ST3GAL2: variants seen among roughly 807,000 people sequenced by gnomAD.
ST3GAL2 encodes CMP-N-acetylneuraminate-beta-galactosamide-alpha-2,3-sialyltransferase 2.
Under a neutral mutation model 37.5 loss-of-function variants are expected in ST3GAL2, and 16 were observed. The observed-to-expected ratio is 0.43, with a 90% CI of 0.29 to 0.65. The LOEUF (loss-of-function observed/expected upper bound fraction) is 0.65. ST3GAL2 is among the 30% of genes least tolerant of loss of function. The pLI is 0.17. For synonymous variants in ST3GAL2, 238 were observed against 202.9 expected, an observed-to-expected ratio of 1.17 and a Z score of -1.47; for missense variants, 383 against 487.8, an observed-to-expected ratio of 0.79 and a Z score of 2.02.
rs1162195232 is a variant in ST3GAL2 at position 70,379,824 on chromosome 16, G to T, written c.*1865C>A. 3 of 151,166 alleles carry T rather than the reference G, an allele frequency of 2.0e-5. No individual in the cohort carries two copies. Among genetic ancestry groups the T allele is most frequent in the Admixed American group, 2.0e-4 (3 of 15,174 alleles). 9.4% of individuals were successfully genotyped at this position (151,166 alleles called of 1,614,324 possible). A position where few individuals can be genotyped will look rare whatever the true frequency, so the allele number is the denominator to read the frequency against. The stretch of plus-strand genomic sequence containing the variant: ...TTTTTTTTTTTTTGGTAGAGACGAG[G>T]TTTCACCATATTGGCCAGGCTGGTC... On this transcript the variant is annotated 3_prime_UTR_variant, in exon 7 of 7. Coordinates refer to ENST00000342907, the MANE Select transcript of ST3GAL2 (RefSeq NM_006927.4).
At chr16:70,402,259 G>T (rs1011398076) in intron 1 of ST3GAL2, among the ~76,000 whole-genome samples, 1 of 142,598 alleles carries the variant, frequency 7.0e-6, no homozygotes, top group Non-Finnish European at 1.5e-5. Flanking sequence ...CTCTAGCCTG[G>T]GCAACAAGAG....
chr16:70,421,136 G>A (rs1422883316), intron 1 of ST3GAL2, among the ~76,000 whole-genome samples: 8 of 152,222 alleles, frequency 5.3e-5, no homozygotes, highest in Non-Finnish European at 1.2e-4. Context: ...GACAGTGCCT[G>A]AGAGCCCAGC....
chr16:70,430,833 G>C (rs1379507543), intron 1 of ST3GAL2, among the ~76,000 whole-genome samples: 1 of 152,106 alleles, frequency 6.6e-6, no homozygotes, highest in Admixed American at 6.6e-5. Flanking sequence ...TTCCCACACA[G>C]CCTCATTCCC....
intron 1 of ST3GAL2, among the ~76,000 whole-genome samples, chr16:70,420,135 C>T (rs962972505): frequency 4.0e-5 from 6 of 149,836 alleles, no homozygotes; most frequent in Non-Finnish European, 7.4e-5. Flanking sequence ...AAACTTCCAT[C>T]AACTAGGCCA....
Position 70,395,077 on chromosome 16 carries a change from G to C in ST3GAL2, c.438C>G (p.Pro146=), listed in dbSNP as rs2047506347. ...CCACGGCACAGCGCCGGCACTGGTG[G>C]GGGTCCCGGAAGCGGTAGGGGTTCT... ...PGENPYRFRD[P]HQCRRCAVVG... Residue 146 remains proline (P), a synonymous_variant, in exon 3 of 7, where the codon CCC becomes CCG. Transcript: ENST00000342907. The C allele has an allele frequency of 6.2e-7, 1 of 1,613,872 alleles. No individual in the cohort carries two copies. The highest frequency in any genetic ancestry group is 2.2e-5 in the East Asian group (1 of 44,872).
intron 1 of ST3GAL2, among the ~76,000 whole-genome samples, chr16:70,409,887 T>G (rs565721297): frequency 6.8e-6 from 1 of 147,882 alleles, no homozygotes; most frequent in South Asian, 2.2e-4. Context: ...GACTCCTGCC[T>G]CAGCCTCCCA....
At chr16:70,428,444 G>A (rs747111532) in intron 1 of ST3GAL2, among the ~76,000 whole-genome samples, 1 of 152,192 alleles carries the variant, frequency 6.6e-6, no homozygotes, top group Admixed American at 6.5e-5. Context: ...TGCAGCCTGT[G>A]AACAAACTGC....
chr16:70,411,725 T>A (rs2151670207), intron 1 of ST3GAL2, among the ~76,000 whole-genome samples: 1 of 152,280 alleles, frequency 6.6e-6, no homozygotes, highest in East Asian at 1.9e-4. Flanking sequence ...CCAGGCACGG[T>A]GGCTCACACC....
At chr16:70,423,748 C>G (rs1463618133) in intron 1 of ST3GAL2, among the ~76,000 whole-genome samples, 1 of 145,124 alleles carries the variant, frequency 6.9e-6, no homozygotes, top group African/African-American at 2.6e-5. Context: ...GTGATCTCGG[C>G]TCACCACAAC....
intron 1 of ST3GAL2, among the ~76,000 whole-genome samples, chr16:70,417,336 TC>T (rs1363557165): frequency 7.2e-6 from 1 of 139,144 alleles, no homozygotes; most frequent in Non-Finnish European, 1.5e-5. Flanking sequence ...ACAGGAACTC[TC>T]CTCCCTGGGG....
At chr16:70,431,004 C>T (rs539063068) in intron 1 of ST3GAL2, among the ~76,000 whole-genome samples, 166 of 152,084 alleles carry the variant, frequency 1.1e-3, no homozygotes, top group Middle Eastern at 3.4e-3. Flanking sequence ...GTTGGGGAAA[C>T]CTGACTTACA....
intron 1 of ST3GAL2, among the ~76,000 whole-genome samples, chr16:70,438,666 G>GGGCTGA (rs2047844302): frequency 2.0e-5 from 3 of 151,808 alleles, no homozygotes; most frequent in African/African-American, 7.3e-5. Flanking sequence ...GCTGGGGCTG[G>GGGCTGA]GGTTGGGGTT....
At chr16:70,413,560 CAAAAAAAAAAAA>C (rs978301918) in intron 1 of ST3GAL2, among the ~76,000 whole-genome samples, 4 of 32,082 alleles carry the variant, frequency 1.2e-4, no homozygotes, top group South Asian at 1.5e-3. Context: ...ATCAAAAATA[CAAAAAAAAAAAA>C]AAAAAAAAAA....
rs1362143226 is a variant in ST3GAL2, at chr16:70,388,832, T to C, written c.534-286A>G. On this transcript the variant is annotated intron_variant, in intron 3 of 6. Transcript: ENST00000342907. ...ATCCAGGCACTTTGGGAGGCCAAGG[T>C]GGATGGACTGCTTTGAGGTCAGGAG... is the stretch of plus-strand genomic sequence containing the variant. Among the ~76,000 whole-genome samples the C allele has an allele frequency of 3.3e-5, 5 of 150,708 alleles. No homozygotes were observed. In the East Asian group the frequency reaches 9.8e-4, roughly 29 times the overall value.
intron 3 of ST3GAL2, among the ~76,000 whole-genome samples, chr16:70,392,920 G>A (rs2047491437): frequency 6.6e-6 from 1 of 151,814 alleles, no homozygotes; most frequent in Non-Finnish European, 1.5e-5. Flanking sequence ...AATTAGCTAG[G>A]ACTACAGGCT....
intron 3 of ST3GAL2, among the ~76,000 whole-genome samples, chr16:70,394,027 G>A (rs1412657314): frequency 6.6e-6 from 1 of 152,146 alleles, no homozygotes; most frequent in Admixed American, 6.5e-5. Flanking sequence ...GCCAAGTCAA[G>A]GGGGGATGTC....
intron 1 of ST3GAL2, among the ~76,000 whole-genome samples, chr16:70,435,130 C>G (rs2047816390): frequency 6.6e-6 from 1 of 152,154 alleles, no homozygotes; most frequent in African/African-American, 2.4e-5. Flanking sequence ...AAAGCCATGG[C>G]TCCTAAATTT....
At chr16:70,406,766 G>C (rs1223130238) in intron 1 of ST3GAL2, among the ~76,000 whole-genome samples, 3 of 151,588 alleles carry the variant, frequency 2.0e-5, no homozygotes, top group Non-Finnish European at 4.4e-5. Context: ...GGGTGACAGA[G>C]TGAGACTCTG....
At position 70,381,653 on chromosome 16, in the gene ST3GAL2, G is replaced by A. The variant is rs969503579; in HGVS notation, c.*36C>T. ...GTCCCGGGCCGGAGCCCCGGTGCCC[G>A]ATAGATGGGCCGGAAGGGTCGCGGC... On this transcript the variant is annotated 3_prime_UTR_variant, in exon 7 of 7. Coordinates refer to ENST00000342907, the MANE Select transcript of ST3GAL2 (RefSeq NM_006927.4). 2 of 1,604,650 alleles carry A rather than the reference G, an allele frequency of 1.2e-6. No individual in the cohort carries two copies. Among genetic ancestry groups the A allele is most frequent in the South Asian group, 1.1e-5 (1 of 90,582 alleles).
Sources: gnomAD v4.1 joint callset for allele counts (sites outside exome capture counted in the v4.1 genomes callset) on GRCh38, gnomAD v4.1.1 for gene constraint, MANE v1.5 for transcripts, NCBI Gene and HGNC (gene_info 2026-07-23, HGNC 2026-07-21) for gene names.